SEMA5A: variants seen among roughly 807,000 people sequenced by gnomAD.
SEMA5A encodes semaphorin 5A.
A neutral mutation model predicts 135.5 loss-of-function variants in SEMA5A; 55 were observed. The ratio of observed to expected loss-of-function variants is 0.41; its 90% CI spans 0.33 to 0.51. The LOEUF is 0.51. Ranked by LOEUF, SEMA5A falls within the 20% of genes least tolerant of loss-of-function variation. The pLI, the probability that SEMA5A is intolerant of heterozygous loss-of-function variation, is 0.37. For missense variants in SEMA5A, 1,290 were observed against 1,419.9 expected (o/e 0.91, Z 1.47); for synonymous variants, 580 against 546.5 (o/e 1.06, Z -0.85).
intron 5 of SEMA5A, among the ~76,000 whole-genome samples, chr5:9,308,959 C>A (rs1360807511): frequency 1.3e-5 from 2 of 152,098 alleles, no homozygotes; most frequent in East Asian, 1.9e-4. Flanking sequence ...CAAATTAGGT[C>A]ATTAAAGTTA....
rs748703578 is a variant in SEMA5A, at chr5:9,258,803, C to CTTTTTTTTTTT, written c.271-20924_271-20914dup. ...ATTATTTGTCTTTTCTTCTTTCTTT[C>CTTTTTTTTTTT]TTTTTTTTTTTTTTTTTTTTTTTTT... On this transcript the variant is annotated intron_variant, in intron 5 of 22. Coordinates refer to ENST00000382496, the MANE Select transcript of SEMA5A (RefSeq NM_003966.3). 1.5e-3 allele frequency among the ~76,000 whole-genome samples: 74 copies of CTTTTTTTTTTT among 48,974 alleles called. 4 individuals are homozygous for CTTTTTTTTTTT. The highest frequency in any genetic ancestry group is 1.6e-3 in the Non-Finnish European group (47 of 28,894). The allele number at this position is 48,974 out of a possible 152,430, so 32.1% of individuals were successfully genotyped here.
chr5:9,072,176 C>T (rs1252928581), intron 16 of SEMA5A, among the ~76,000 whole-genome samples: 5 of 152,136 alleles, frequency 3.3e-5, no homozygotes, highest in Non-Finnish European at 5.9e-5. Flanking sequence ...TACTGGACTT[C>T]AGGCAATGAA....
chr5:9,288,544 A>C (rs887964679), intron 5 of SEMA5A, among the ~76,000 whole-genome samples: 5 of 152,252 alleles, frequency 3.3e-5, no homozygotes, highest in Admixed American at 3.3e-4. Context: ...TGGGAGGGGC[A>C]AGAGAAAATA....
intron 1 of SEMA5A, among the ~76,000 whole-genome samples, chr5:9,501,743 G>T (rs968186474): frequency 2.6e-5 from 4 of 152,122 alleles, no homozygotes; most frequent in Admixed American, 2.6e-4. Flanking sequence ...AAAAAAGCCT[G>T]GGTTCCAATC....
chr5:9,266,845 ATC>A (rs1388811256), intron 5 of SEMA5A, among the ~76,000 whole-genome samples: 3 of 152,240 alleles, frequency 2.0e-5, no homozygotes, highest in Non-Finnish European at 4.4e-5. Context: ...CCAAAGCAGT[ATC>A]AATATGGAAA....
intron 3 of SEMA5A, among the ~76,000 whole-genome samples, chr5:9,347,339 G>A (rs1282942112): frequency 6.6e-6 from 1 of 152,172 alleles, no homozygotes; most frequent in Non-Finnish European, 1.5e-5. Flanking sequence ...GTTCATTGTA[G>A]AAAAATATTC....
intron 4 of SEMA5A, among the ~76,000 whole-genome samples, chr5:9,328,219 C>T (rs1752963003): frequency 6.6e-6 from 1 of 152,270 alleles, no homozygotes; most frequent in Admixed American, 6.5e-5. Flanking sequence ...TCAAATCTGG[C>T]TTCTCATCTC....
At chr5:9,330,537 C>T (rs947787541) in intron 4 of SEMA5A, among the ~76,000 whole-genome samples, 1 of 151,976 alleles carries the variant, frequency 6.6e-6, no homozygotes, top group Non-Finnish European at 1.5e-5. Flanking sequence ...TAAAAGCACA[C>T]ACCCTGAGCC....
chr5:9,201,859 C>A (rs1033953654), intron 9 of SEMA5A, 96 bp downstream of exon 9: 1 of 1,220,192 alleles, frequency 8.2e-7, no homozygotes, highest in Non-Finnish European at 1.1e-6. Context: ...GAAAGATTTT[C>A]TCTAAAGTAA....
rs190230732 is a variant in SEMA5A, at chr5:9,063,065, G to A, written c.2340C>T (p.Ala780=). ...CTGACCAAGCCCCGTTGACCGTGTG[G>A]GCAGAGTATCTCCCAGCACGCAGGA... ...GDFLRAGRYS[A]HTVNGAWSAW... Residue 780 remains alanine (A), a synonymous_variant, in exon 18 of 23, where the codon GCC becomes GCT. Transcript: ENST00000382496. The A allele has an allele frequency of 3.0e-5, 48 of 1,614,114 alleles. No homozygotes were observed. In the Middle Eastern group the frequency reaches 2.1e-3, roughly 72 times the overall value.
At position 9,162,538 on chromosome 5, in the gene SEMA5A, ATGTGTGTATATATG is replaced by A. The variant is rs1342129908; in HGVS notation, c.1274-7857_1274-7844del. Among the ~76,000 whole-genome samples, 226 of 73,556 alleles carry A rather than the reference ATGTGTGTATATATG, an allele frequency of 3.1e-3. 1 individual carries two copies. Among genetic ancestry groups the A allele is most frequent in the African/African-American group, 8.0e-3 (215 of 26,906 alleles). 48.3% of individuals were successfully genotyped at this position (73,556 alleles called of 152,430 possible). A position where few individuals can be genotyped will look rare whatever the true frequency, so the allele number is the denominator to read the frequency against. On this transcript the variant is annotated intron_variant, in intron 11 of 22. Coordinates refer to ENST00000382496, the MANE Select transcript of SEMA5A (RefSeq NM_003966.3). The stretch of plus-strand genomic sequence containing the variant: ...TATGTGTATATGTGTATATATATGT[ATGTGTGTATATATG>A]TGTGTGTGTGTGTATATATATATAT...
Position 9,051,964 on chromosome 5 carries a change from G to T in SEMA5A, c.2754C>A (p.Arg918=), listed in dbSNP as rs1174567700. The change falls in exon 20 of 23, where the codon CGC becomes CGA. Residue 918 remains arginine, a synonymous_variant. Transcript: ENST00000382496. Reference sequence around the variant, plus strand: ...CCATGGGGAACAGGAGGATGCACTGGCGGGCGCGGACTTGGACGCCAGAGG... The same window carrying T: ...CCATGGGGAACAGGAGGATGCACTGTCGGGCGCGGACTTGGACGCCAGAGG... The part of the protein sequence containing the change: ...CEASGVQVRA[R]QCILLFPMGS... 3 of 1,614,062 alleles carry T rather than the reference G, an allele frequency of 1.9e-6. No homozygotes were observed. In the East Asian group the frequency reaches 6.7e-5, roughly 36 times the overall value.
chr5:9,120,884 T>C (rs908636636), intron 14 of SEMA5A, among the ~76,000 whole-genome samples: 3 of 151,808 alleles, frequency 2.0e-5, no homozygotes, highest in Non-Finnish European at 4.4e-5. Context: ...GTTCAAGAGA[T>C]TCTCCTGCCT....
chr5:9,228,020 T>A (rs915613373), intron 6 of SEMA5A, among the ~76,000 whole-genome samples: 13 of 152,188 alleles, frequency 8.5e-5, no homozygotes, highest in Admixed American at 8.5e-4. Context: ...ATAGCAGTGA[T>A]GGACATGTGA....
intron 1 of SEMA5A, among the ~76,000 whole-genome samples, chr5:9,482,946 A>G (rs1759931501): frequency 6.6e-6 from 1 of 152,226 alleles, no homozygotes; most frequent in Non-Finnish European, 1.5e-5. Context: ...ATTCTTAGGA[A>G]TTTAAAAATT....
intron 1 of SEMA5A, among the ~76,000 whole-genome samples, chr5:9,531,500 C>T (rs552264257): frequency 3.3e-5 from 5 of 152,286 alleles, no homozygotes; most frequent in African/African-American, 9.6e-5. Context: ...AGGAAGCTCC[C>T]TCAGGGCATG....
intron 15 of SEMA5A, among the ~76,000 whole-genome samples, chr5:9,108,940 C>T (rs1039602966): frequency 2.0e-5 from 3 of 150,550 alleles, no homozygotes; most frequent in Non-Finnish European, 4.4e-5. Flanking sequence ...TTTGAATATA[C>T]TTCTATACTT....
At chr5:9,231,057 G>A (rs1419676667) in intron 6 of SEMA5A, among the ~76,000 whole-genome samples, 1 of 151,932 alleles carries the variant, frequency 6.6e-6, no homozygotes, top group Admixed American at 6.6e-5. Context: ...AGAGAGATTG[G>A]GACAAGTTCA....
chr5:9,137,149 CTG>C (rs1250105559), intron 12 of SEMA5A, among the ~76,000 whole-genome samples: 4 of 152,130 alleles, frequency 2.6e-5, no homozygotes, highest in Non-Finnish European at 5.9e-5. Context: ...GATGAGAAAA[CTG>C]AGGCACAGAA....
Sources: allele counts gnomAD v4.1 joint callset (sites outside exome capture counted in the v4.1 genomes callset), GRCh38; gene constraint gnomAD v4.1.1; transcripts MANE v1.5; gene names NCBI Gene and HGNC (gene_info 2026-07-23, HGNC 2026-07-21).